The following THRB variants were observed in gnomAD, a reference collection of about 807,000 sequenced individuals.
THRB encodes the protein nuclear receptor subfamily 1 group A member 2.
A neutral mutation model predicts 47.8 loss-of-function variants in THRB; 12 were observed. The observed-to-expected ratio is 0.25, with a 90% CI of 0.16 to 0.41. THRB has a LOEUF of 0.41. THRB is among the 10% of genes least tolerant of loss of function. THRB has a pLI of 1.00. For synonymous variants in THRB, 218 were observed against 212.2 expected (o/e 1.03, Z -0.24); for missense variants, 348 against 589.2 (o/e 0.59, Z 4.24).
chr3:24,441,693 A>G (rs1447977834), intron 1 of THRB, among the ~76,000 whole-genome samples: 2 of 152,210 alleles, frequency 1.3e-5, no homozygotes, highest in African/African-American at 2.4e-5. Flanking sequence ...GACCACTGTG[A>G]GAAAGCAAGA....
intron 4 of THRB, among the ~76,000 whole-genome samples, chr3:24,218,474 C>T (rs1360993785): frequency 6.6e-6 from 1 of 151,000 alleles, no homozygotes; most frequent in Non-Finnish European, 1.5e-5. Flanking sequence ...ATGGGCTAAG[C>T]AAAGCTATAG....
chr3:24,249,125 C>T (rs937115419), intron 3 of THRB, among the ~76,000 whole-genome samples: 1 of 152,254 alleles, frequency 6.6e-6, no homozygotes, highest in East Asian at 1.9e-4. Context: ...ATTATTATTT[C>T]CAGCAAAGAG....
intron 1 of THRB, among the ~76,000 whole-genome samples, chr3:24,358,364 T>C (rs535265984): frequency 5.9e-5 from 9 of 152,004 alleles, no homozygotes; most frequent in Non-Finnish European, 1.3e-4. Context: ...CCTTAGGCAC[T>C]CCAGAGTTAT....
chr3:24,313,371 T>C (rs983905268), intron 2 of THRB, among the ~76,000 whole-genome samples: 2 of 152,156 alleles, frequency 1.3e-5, no homozygotes, highest in African/African-American at 4.8e-5. Flanking sequence ...TAGTGCTCCA[T>C]CAAATTTGCT....
intron 1 of THRB, among the ~76,000 whole-genome samples, chr3:24,390,792 A>AT (rs1277279895): frequency 7.7e-4 from 51 of 66,278 alleles, no homozygotes; most frequent in Non-Finnish European, 1.2e-3. Flanking sequence ...TGTAAAAAAA[A>AT]AAAAAATATA....
chr3:24,135,832 T>TAATACATAA (rs2034558582), intron 8 of THRB, among the ~76,000 whole-genome samples: 1 of 119,468 alleles, frequency 8.4e-6, no homozygotes, highest in Non-Finnish European at 1.8e-5. Flanking sequence ...TATATATATA[T>TAATACATAA]ATATATATAT....
intron 1 of THRB, among the ~76,000 whole-genome samples, chr3:24,398,994 C>T (rs1008685588): frequency 2.6e-5 from 4 of 151,724 alleles, no homozygotes; most frequent in Non-Finnish European, 4.4e-5. Flanking sequence ...AACCAAACAC[C>T]GTATGTTCTC....
At chr3:24,194,228 T>C (rs1207795461) in intron 4 of THRB, among the ~76,000 whole-genome samples, 1 of 152,174 alleles carries the variant, frequency 6.6e-6, no homozygotes, top group Non-Finnish European at 1.5e-5. Flanking sequence ...GAAGAACTTA[T>C]TCATGAAACC....
intron 1 of THRB, among the ~76,000 whole-genome samples, chr3:24,431,818 A>G (rs1172445709): frequency 1.3e-5 from 2 of 152,118 alleles, no homozygotes; most frequent in African/African-American, 4.8e-5. Context: ...GAAAATGGAA[A>G]AATTCTAGCT....
chr3:24,339,385 C>T (rs2062476171), intron 1 of THRB, among the ~76,000 whole-genome samples: 1 of 152,026 alleles, frequency 6.6e-6, no homozygotes, highest in South Asian at 2.1e-4. Flanking sequence ...TAAATGACCC[C>T]GTTTTCCAGA....
At chr3:24,140,765 ACT>A (rs1422924147) in intron 8 of THRB, among the ~76,000 whole-genome samples, 1 of 152,038 alleles carries the variant, frequency 6.6e-6, no homozygotes, top group Admixed American at 6.6e-5. Flanking sequence ...AGGGGAACAG[ACT>A]CTACCTCTCC....
intron 1 of THRB, among the ~76,000 whole-genome samples, chr3:24,340,287 A>G (rs1325910474): frequency 6.6e-6 from 1 of 152,148 alleles, no homozygotes; most frequent in Non-Finnish European, 1.5e-5. Flanking sequence ...TCAATTTTAA[A>G]GGGGTTAATA....
At chr3:24,139,832 G>A (rs962309808) in intron 8 of THRB, among the ~76,000 whole-genome samples, 5 of 152,192 alleles carry the variant, frequency 3.3e-5, no homozygotes, top group African/African-American at 7.2e-5. Flanking sequence ...ATGACAACAT[G>A]TAATCCCATA....
chr3:24,310,557 G>A (rs573718727), intron 2 of THRB, among the ~76,000 whole-genome samples: 8 of 152,232 alleles, frequency 5.3e-5, no homozygotes, highest in African/African-American at 9.6e-5. Context: ...CAGTAGGTCC[G>A]GGTTGGGGTC....
intron 1 of THRB, among the ~76,000 whole-genome samples, chr3:24,482,951 C>T (rs1384966329): frequency 6.6e-6 from 1 of 152,112 alleles, no homozygotes; most frequent in Non-Finnish European, 1.5e-5. Flanking sequence ...TAGAAAGACA[C>T]ATACTGTTTA....
At chr3:24,197,042 T>G (rs943990827) in intron 4 of THRB, among the ~76,000 whole-genome samples, 1 of 152,252 alleles carries the variant, frequency 6.6e-6, no homozygotes. Context: ...GTATATAATT[T>G]TCTTAACACT....
chr3:24,405,398 A>T (rs954451853), intron 1 of THRB, among the ~76,000 whole-genome samples: 1 of 152,008 alleles, frequency 6.6e-6, no homozygotes, highest in Non-Finnish European at 1.5e-5. Context: ...AGTAGTAGCA[A>T]AATAGACTGT....
At chr3:24,311,314 A>C (rs555558011) in intron 2 of THRB, among the ~76,000 whole-genome samples, 1 of 152,320 alleles carries the variant, frequency 6.6e-6, no homozygotes, top group Admixed American at 6.5e-5. Flanking sequence ...TATTTCTTTT[A>C]AATACTGTGT....
intron 4 of THRB, among the ~76,000 whole-genome samples, chr3:24,210,233 T>C (rs1296468945): frequency 1.3e-5 from 2 of 152,002 alleles, no homozygotes; most frequent in African/African-American, 2.4e-5. Flanking sequence ...ACCTAGAAAG[T>C]TGAAAAGATG....
Sources: allele counts gnomAD v4.1 joint callset (sites outside exome capture counted in the v4.1 genomes callset), GRCh38; gene constraint gnomAD v4.1.1; transcripts MANE v1.5; gene names NCBI Gene and HGNC (gene_info 2026-07-23, HGNC 2026-07-21).